The following CARD14 variants were observed in gnomAD, a reference collection of about 807,000 sequenced individuals.
CARD14 encodes the protein caspase recruitment domain-containing protein 14.
Under a neutral mutation model 111.5 loss-of-function variants are expected in CARD14, and 107 were observed. That is an observed-to-expected ratio of 0.96 (90% CI 0.82 to 1.13). The LOEUF (loss-of-function observed/expected upper bound fraction) is 1.13. Among genes scored for constraint, CARD14 ranks in the 50% most tolerant of loss-of-function variants. CARD14 has a pLI of 0.00. For synonymous variants in CARD14, 617 were observed against 579.6 expected (o/e 1.06, Z -0.93); for missense variants, 1,322 against 1,362.3 (o/e 0.97, Z 0.47).
intron 20 of CARD14, chr17:80,204,775 ATAGG>A (rs2041190449): frequency 2.1e-6 from 1 of 470,776 alleles, no homozygotes; most frequent in African/African-American, 2.0e-5. Context: ...CCTTGGGCCT[ATAGG>A]AAACAGGATT....
At position 80,203,885 on chromosome 17, in the gene CARD14, G is replaced by A; in HGVS notation, c.2283G>A (p.Lys761=). 1 of 1,594,876 alleles carries A rather than the reference G, an allele frequency of 6.3e-7. No individual in the cohort carries two copies. Among genetic ancestry groups the A allele is most frequent in the African/African-American group, 1.3e-5 (1 of 74,876 alleles). ...DMTQQCTVTR[K]PSSGGPQKLV... ...CTCAGCAGTGCACCGTGACCCGCAA[G>A]GTGAGGCTCCAGGGAGGGGCCTGGA... The change falls in exon 19 of 24, where the codon AAG becomes AAA. Residue 761 remains lysine, a splice_region_variant and synonymous_variant. Coordinates refer to ENST00000648509, the MANE Select transcript of CARD14 (RefSeq NM_001366385.1). The surrounding 1 kb of genome is among the most constrained non-coding windows in gnomAD (Gnocchi z 4.6).
At chr17:80,180,445 G>A (rs1182621253) in intron 4 of CARD14, among the ~76,000 whole-genome samples, 3 of 152,166 alleles carry the variant, frequency 2.0e-5, no homozygotes, top group Admixed American at 6.5e-5. Flanking sequence ...TGTCTTCTGC[G>A]AGGCACTTGT....
Position 80,202,533 on chromosome 17 carries a change from A to AC in CARD14, c.2219+119dup, listed in dbSNP as rs201325195. 1,650 of 1,495,158 alleles carry AC rather than the reference A, an allele frequency of 1.1e-3. 19 individuals carry two copies. In the African/African-American group the frequency reaches 0.019, roughly 17 times the overall value. The allele number at this position is 1,495,158 out of a possible 1,614,324, so 92.6% of individuals were successfully genotyped here. On this transcript the variant is annotated intron_variant, in intron 18 of 23. Coordinates refer to ENST00000648509, the MANE Select transcript of CARD14 (RefSeq NM_001366385.1). ...AGCAATAGAGGGTGGGCGTGGTGAG[A>AC]CCCCCCTAAGGAGGGAAGCCTGCCA...
intron 1 of CARD14, among the ~76,000 whole-genome samples, chr17:80,172,308 G>A (rs1026939725): frequency 3.9e-5 from 6 of 152,202 alleles, no homozygotes; most frequent in Admixed American, 6.5e-5. Flanking sequence ...TAGATGTTTC[G>A]TAAGAGATTT....
At position 80,176,497 on chromosome 17, in the gene CARD14, G is replaced by A. The variant is rs115391239; in HGVS notation, c.-366-2011G>A. Among the ~76,000 whole-genome samples, 1,412 of 148,744 alleles carry A rather than the reference G, an allele frequency of 9.5e-3. 18 individuals are homozygous for A. Among genetic ancestry groups the A allele is most frequent in the African/African-American group, 0.032 (1,293 of 40,336 alleles). ...AACCCATACGGCACACAATTCACCC[G>A]TTTAAGATGCTTCTAGTGTATTCAC... On this transcript the variant is annotated intron_variant, in intron 2 of 23. Coordinates refer to ENST00000648509, the MANE Select transcript of CARD14 (RefSeq NM_001366385.1).
At position 80,188,384 on chromosome 17, in the gene CARD14, T is replaced by G. The variant is rs142246283; in HGVS notation, c.683T>G (p.Leu228Arg). ...CGCCTCCCCACCGCACAGCTGTATC[T>G]ACTGAAGCAGGAGCTGCAGCGAGCC... ...RCRSLQEELY[L>R]LKQELQRANM... is the part of the protein sequence containing the mutation. Residue 228 changes from leucine (L) to arginine (R), a missense_variant, in exon 8 of 24, where the codon CTA (leucine) becomes CGA (arginine). By Grantham distance (102) the Leu-to-Arg change is moderately radical. Transcript: ENST00000648509. The surrounding 1 kb of genome is among the most constrained non-coding windows in gnomAD (Gnocchi z 4.5). The G allele has an allele frequency of 1.8e-4, 297 of 1,609,874 alleles. No homozygotes were observed. Among genetic ancestry groups the G allele is most frequent in the Non-Finnish European group, 2.4e-4 (283 of 1,178,184 alleles).
chr17:80,208,410 C>T lies in CARD14; in HGVS notation c.*65C>T, dbSNP rs1415842246. 7.2e-7 allele frequency: 1 copy of T among 1,392,614 alleles called. No individual in the cohort carries two copies. Among genetic ancestry groups the T allele is most frequent in the Admixed American group, 2.2e-5 (1 of 44,538 alleles). The allele number at this position is 1,392,614 out of a possible 1,614,324, so 86.3% of individuals were successfully genotyped here. A position where few individuals can be genotyped will look rare whatever the true frequency, so the allele number is the denominator to read the frequency against. On this transcript the variant is annotated 3_prime_UTR_variant, in exon 24 of 24. Coordinates refer to ENST00000648509, the MANE Select transcript of CARD14 (RefSeq NM_001366385.1). ...TGCCTGTTAATGCAGTCCTGTTCCT[C>T]AGCCCAGGCCCTCTTGGCACAGCTG...
At chr17:80,179,771 G>T (rs2040111082) in intron 4 of CARD14, among the ~76,000 whole-genome samples, 2 of 152,186 alleles carry the variant, frequency 1.3e-5, no homozygotes, top group African/African-American at 4.8e-5. Context: ...GCTCAAGGCT[G>T]CAGTGAGCCA....
In CARD14 at chr17:80,191,483, C is replaced by G; in HGVS notation, c.1239+11C>G. The G allele has an allele frequency of 6.2e-7, 1 of 1,606,134 alleles. No individual in the cohort carries two copies. Among genetic ancestry groups the G allele is most frequent in the Non-Finnish European group, 8.5e-7 (1 of 1,174,214 alleles). ...GAGCCTCCGGGTGTGGTGAGTGTTC[C>G]CGGCTGACCCGAGCTGGAGGCCAGG... On this transcript the variant is annotated intron_variant, in intron 11 of 23. Transcript: ENST00000648509.
Position 80,209,009 on chromosome 17 carries a change from T to G in CARD14, c.*664T>G, listed in dbSNP as rs1598732318. 1 of 152,344 alleles carries G rather than the reference T, an allele frequency of 6.6e-6. No homozygotes were observed. Among genetic ancestry groups the G allele is most frequent in the East Asian group, 1.9e-4 (1 of 5,192 alleles). The allele number at this position is 152,344 out of a possible 1,614,324, so 9.4% of individuals were successfully genotyped here. ...CTGTGCCCCGTGGCCCCTGTGCCTGTTCGGTGGGGGTGTCCCAGAGAAGCC... is the reference window on the plus strand; with the variant it reads ...CTGTGCCCCGTGGCCCCTGTGCCTGGTCGGTGGGGGTGTCCCAGAGAAGCC... On this transcript the variant is annotated 3_prime_UTR_variant, in exon 24 of 24. Transcript: ENST00000648509.
In CARD14 at chr17:80,184,204, TG is replaced by T; in HGVS notation, c.643del (p.Ala215ProfsTer15). The T allele has an allele frequency of 6.5e-7, 1 of 1,548,886 alleles. No individual in the cohort carries two copies. The highest frequency in any genetic ancestry group is 8.7e-7 in the Non-Finnish European group (1 of 1,145,436). On this transcript the variant is annotated frameshift_variant, in exon 7 of 24. Coordinates refer to ENST00000648509, the MANE Select transcript of CARD14 (RefSeq NM_001366385.1). LOFTEE classifies it high-confidence loss of function. ...AGCAATGCGCTGCAGGAGAAGGAGC[TG>T]GCCGCCTCACGCTGCCGCAGCCTGC... is the stretch of plus-strand genomic sequence containing the variant. ...HYSNALQEKELAASRCRSLQE... is the reference protein window; with the variant it reads ...HYSNALQEKEXAASRCRSLQE...
intron 2 of CARD14, among the ~76,000 whole-genome samples, chr17:80,175,353 A>AT (rs1460375441): frequency 6.6e-6 from 1 of 152,078 alleles, no homozygotes; most frequent in South Asian, 2.1e-4. Flanking sequence ...TCACTTATTT[A>AT]TTTTTTTAAC....
At position 80,202,236 on chromosome 17, in the gene CARD14, T is replaced by G. The variant is rs772268382; in HGVS notation, c.2035T>G (p.Phe679Val). 6.2e-7 allele frequency: 1 copy of G among 1,613,866 alleles called. No homozygotes were observed. The highest frequency in any genetic ancestry group is 1.3e-5 in the African/African-American group (1 of 74,898). The change falls in exon 18 of 24, where the codon TTC (phenylalanine) becomes GTC (valine). Residue 679 changes from phenylalanine to valine, a missense_variant. Physicochemically the swap from Phe to Val is conservative, Grantham distance 50. Transcript: ENST00000648509. ...EAKVATSGDSFYIRVNLAMEG... is the reference protein window; with the variant it reads ...EAKVATSGDSVYIRVNLAMEG... ...CAAAGTGGCGACCTCGGGGGACTCATTCTACATCCGGGTCAACCTGGCCAT... is the reference window on the plus strand; with the variant it reads ...CAAAGTGGCGACCTCGGGGGACTCAGTCTACATCCGGGTCAACCTGGCCAT...
At position 80,206,562 on chromosome 17, in the gene CARD14, T is replaced by C. The variant is rs574596091; in HGVS notation, c.2692-408T>C. Among the ~76,000 whole-genome samples, 233 of 152,296 alleles carry C rather than the reference T, an allele frequency of 1.5e-3. 1 individual carries two copies. Among genetic ancestry groups the C allele is most frequent in the African/African-American group, 5.4e-3 (226 of 41,570 alleles). ...GGGCAGATCACCTGAGGTCAGGAGA[T>C]CAAGACCATCCTGGCTAACACGGTG... On this transcript the variant is annotated intron_variant, in intron 22 of 23. Coordinates refer to ENST00000648509, the MANE Select transcript of CARD14 (RefSeq NM_001366385.1).
chr17:80,183,696 C>T (rs569248639), intron 6 of CARD14, among the ~76,000 whole-genome samples: 65 of 152,200 alleles, frequency 4.3e-4, no homozygotes, highest in African/African-American at 1.5e-3. Context: ...AGTCATGCCT[C>T]GGCCCACCGG....
chr17:80,174,141 C>T (rs182888452), intron 2 of CARD14, among the ~76,000 whole-genome samples: 1 of 152,096 alleles, frequency 6.6e-6, no homozygotes, highest in African/African-American at 2.4e-5. Context: ...AGTTTGAGAG[C>T]CTGGCCAACA....
intron 2 of CARD14, among the ~76,000 whole-genome samples, chr17:80,174,182 A>G (rs2039972575): frequency 1.3e-5 from 2 of 152,288 alleles, no homozygotes; most frequent in South Asian, 2.1e-4. Context: ...CAAAACGGAA[A>G]ATACAATAAA....
intron 20 of CARD14, chr17:80,204,799 G>C: frequency 2.0e-6 from 1 of 492,144 alleles, no homozygotes; most frequent in South Asian, 3.8e-5. Context: ...TAAGTTGCAG[G>C]CTGCAAAGCA....
chr17:80,190,924 C>T lies in CARD14; in HGVS notation c.1089+25C>T, dbSNP rs748554276. 8.1e-6 allele frequency: 13 copies of T among 1,608,056 alleles called. No individual in the cohort carries two copies. The East Asian group carries it at 9.0e-5, about 11-fold the overall frequency. On this transcript the variant is annotated intron_variant, in intron 10 of 23. Coordinates refer to ENST00000648509, the MANE Select transcript of CARD14 (RefSeq NM_001366385.1). ...GGTACCTGAGAGGCCGGGCCCACCC[C>T]GCCACCCCATGCTTGCTTCCCCAGG...
Sources: allele counts gnomAD v4.1 joint callset (sites outside exome capture counted in the v4.1 genomes callset), GRCh38; gene constraint gnomAD v4.1.1; non-coding constraint Gnocchi (gnomAD v3.1); transcripts MANE v1.5; gene names NCBI Gene and HGNC (gene_info 2026-07-23, HGNC 2026-07-21).